PRKAB1: variants seen among roughly 807,000 people sequenced by gnomAD.
PRKAB1 encodes the protein 5'-AMP-activated protein kinase subunit beta-1.
PRKAB1 carries 18 observed loss-of-function variants against 32.0 expected under a neutral mutation model. The observed-to-expected ratio is 0.56, with a 90% CI of 0.39 to 0.83. PRKAB1 has a LOEUF of 0.83. Ranked by LOEUF, PRKAB1 falls within the 40% of genes least tolerant of loss-of-function variation. The pLI is 0.00. For synonymous variants in PRKAB1, 141 were observed against 141.4 expected (o/e 1.00, Z 0.02); for missense variants, 263 against 352.6 (o/e 0.75, Z 2.03).
chr12:119,677,329 C>T (rs933629487), intron 5 of PRKAB1: 1 of 152,282 alleles, frequency 6.6e-6, no homozygotes, highest in African/African-American at 2.4e-5. Flanking sequence ...TGCTACTGAA[C>T]ACTCCACCCT....
chr12:119,671,033 G>A (rs1487438625), intron 1 of PRKAB1, among the ~76,000 whole-genome samples: 2 of 152,230 alleles, frequency 1.3e-5, no homozygotes, highest in Non-Finnish European at 2.9e-5. Flanking sequence ...ATGTCATCCA[G>A]ATAGATTTGG....
chr12:119,672,740 A>G (rs1955397137), intron 2 of PRKAB1, among the ~76,000 whole-genome samples: 1 of 152,202 alleles, frequency 6.6e-6, no homozygotes, highest in Non-Finnish European at 1.5e-5. Context: ...AAACACAAAA[A>G]TCTGTCTTAA....
Position 119,674,481 on chromosome 12 carries a change from A to G in PRKAB1, c.532+27A>G, listed in dbSNP as rs1471973913. 1 of 1,485,702 alleles carries G rather than the reference A, an allele frequency of 6.7e-7. No homozygotes were observed. 92.0% of individuals were successfully genotyped at this position (1,485,702 alleles called of 1,614,324 possible). A position where few individuals can be genotyped will look rare whatever the true frequency, so the allele number is the denominator to read the frequency against. On this transcript the variant is annotated intron_variant, in intron 4 of 6. Transcript: ENST00000229328. This position sits in a 1 kb window ranked among gnomAD's most constrained non-coding sequence, Gnocchi z 4.3. ...TATGAACACAGTTATTTTATACCACATGCGTGCAGGTGGGGGCTGTACAGT... is the reference window on the plus strand; with the variant it reads ...TATGAACACAGTTATTTTATACCACGTGCGTGCAGGTGGGGGCTGTACAGT...
Position 119,679,826 on chromosome 12 carries a change from G to T in PRKAB1, c.667-107G>T. On this transcript the variant is annotated intron_variant, in intron 5 of 6. Coordinates refer to ENST00000229328, the MANE Select transcript of PRKAB1 (RefSeq NM_006253.5). This position sits in a 1 kb window ranked among gnomAD's most constrained non-coding sequence, Gnocchi z 4.1. ...GCTGCCTGATTTGGGAAGAGAGGTC[G>T]GCCTGAGCGCTGCCTCCTGTCCTTT... 8.2e-7 allele frequency: 1 copy of T among 1,218,222 alleles called. No individual in the cohort carries two copies. The allele number at this position is 1,218,222 out of a possible 1,614,324, so 75.5% of individuals were successfully genotyped here.
chr12:119,676,800 T>C lies in PRKAB1; in HGVS notation c.666+130T>C, dbSNP rs553411936. 4 of 1,261,846 alleles carry C rather than the reference T, an allele frequency of 3.2e-6. No homozygotes were observed. In the Admixed American group the frequency reaches 1.0e-4, roughly 32 times the overall value. 78.2% of individuals were successfully genotyped at this position (1,261,846 alleles called of 1,614,324 possible). On this transcript the variant is annotated intron_variant, in intron 5 of 6. Transcript: ENST00000229328. ...TCACCCCCTAGTGTGAACTGTGCCG[T>C]TCACCTCTGCTGTGGGGATGGGCTG...
At chr12:119,672,264 C>T (rs374555960) in intron 1 of PRKAB1, 37 bp from the exon 2 acceptor site, 12 of 1,550,730 alleles carry the variant, frequency 7.7e-6, no homozygotes, top group Non-Finnish European at 8.7e-6. Flanking sequence ...GTAGGGAGCT[C>T]GCTTATGGCT....
chr12:119,678,612 A>G (rs1955443860), intron 5 of PRKAB1: 1 of 152,252 alleles, frequency 6.6e-6, no homozygotes, highest in Admixed American at 6.5e-5. Context: ...AAGTGACATC[A>G]CATGGGATTT....
intron 5 of PRKAB1, 129 bp downstream of exon 5, chr12:119,676,799 G>A (rs1234107063): frequency 2.0e-5 from 25 of 1,256,576 alleles, no homozygotes; most frequent in East Asian, 1.0e-4. Context: ...GAACTGTGCC[G>A]TTCACCTCTG....
At chr12:119,672,256 A>G in intron 1 of PRKAB1, 45 bp from the exon 2 acceptor site, 2 of 1,527,000 alleles carry the variant, frequency 1.3e-6, no homozygotes, top group Non-Finnish European at 1.8e-6. Flanking sequence ...TGTCTGTTGT[A>G]GGGAGCTCGC....
At chr12:119,668,715 T>C (rs916669889) in intron 1 of PRKAB1, among the ~76,000 whole-genome samples, 8 of 152,204 alleles carry the variant, frequency 5.3e-5, no homozygotes, top group African/African-American at 1.9e-4. Flanking sequence ...CTAACAGTAA[T>C]TGAGCCCCAG....
rs755816447 is a variant in PRKAB1 at position 119,672,474 on chromosome 12, T to TG, written c.323+14dup. ...TTCCCCTCACCAGAAGGTAATTGCCTGGGGAGTGTTCACATATTTGTCTTA... is the reference window on the plus strand; with the variant it reads ...TTCCCCTCACCAGAAGGTAATTGCCTGGGGGAGTGTTCACATATTTGTCTTA... On this transcript the variant is annotated intron_variant, in intron 2 of 6. Transcript: ENST00000229328. 20 of 1,557,490 alleles carry TG rather than the reference T, an allele frequency of 1.3e-5. No individual in the cohort carries two copies. Among genetic ancestry groups the TG allele is most frequent in the Non-Finnish European group, 1.7e-5 (20 of 1,149,366 alleles).
chr12:119,679,879 AGAAT>A lies in PRKAB1; in HGVS notation c.667-53_667-50del. On this transcript the variant is annotated intron_variant, in intron 5 of 6. Coordinates refer to ENST00000229328, the MANE Select transcript of PRKAB1 (RefSeq NM_006253.5). This position sits in a 1 kb window ranked among gnomAD's most constrained non-coding sequence, Gnocchi z 4.1. ...TATCTGGCACTGGGAAGTAAAGGGG[AGAAT>A]CTTGGTTTCCAAATCCCAAATGCTC... 6.4e-7 allele frequency: 1 copy of A among 1,560,514 alleles called. No individual in the cohort carries two copies. The highest frequency in any genetic ancestry group is 8.8e-7 in the Non-Finnish European group (1 of 1,131,476).
In PRKAB1 at chr12:119,674,136, G is replaced by A; in HGVS notation, c.417+79G>A. On this transcript the variant is annotated intron_variant, in intron 3 of 6. Coordinates refer to ENST00000229328, the MANE Select transcript of PRKAB1 (RefSeq NM_006253.5). This position sits in a 1 kb window ranked among gnomAD's most constrained non-coding sequence, Gnocchi z 4.3. Reference sequence around the variant, plus strand: ...CACCTTCCCAAGAGATTGCCGCTAGGTCCCTTTGCCCAGCTAGTAAAAGTC... The same window carrying A: ...CACCTTCCCAAGAGATTGCCGCTAGATCCCTTTGCCCAGCTAGTAAAAGTC... The A allele has an allele frequency of 3.6e-6, 5 of 1,378,184 alleles. No individual in the cohort carries two copies. The highest frequency in any genetic ancestry group is 5.1e-6 in the Non-Finnish European group (5 of 982,628). 85.4% of individuals were successfully genotyped at this position (1,378,184 alleles called of 1,614,324 possible).
intron 2 of PRKAB1, among the ~76,000 whole-genome samples, chr12:119,672,764 C>T (rs1955397218): frequency 6.6e-6 from 1 of 152,164 alleles, no homozygotes; most frequent in South Asian, 2.1e-4. Context: ...AGTAAGGGAG[C>T]ACTGGGCTGG....
rs553959290 is a variant in PRKAB1 at position 119,680,087 on chromosome 12, G to A, written c.735+86G>A. ...AGCAGTGGAATGACCTGGCGGGACT[G>A]ACTTAAAGGGCAGCTTCCAGGGTCT... On this transcript the variant is annotated intron_variant, in intron 6 of 6. Coordinates refer to ENST00000229328, the MANE Select transcript of PRKAB1 (RefSeq NM_006253.5). The A allele has an allele frequency of 1.8e-5, 27 of 1,523,556 alleles. 1 individual carries two copies. The highest frequency in any genetic ancestry group is 2.3e-5 in the Non-Finnish European group (25 of 1,099,336). 94.4% of individuals were successfully genotyped at this position (1,523,556 alleles called of 1,614,324 possible).
rs1955455975 is a variant in PRKAB1 at position 119,680,357 on chromosome 12, A to ATGGTG, written c.*32_*33insTGGTG. 3 of 1,574,150 alleles carry ATGGTG rather than the reference A, an allele frequency of 1.9e-6. No individual in the cohort carries two copies. Among genetic ancestry groups the ATGGTG allele is most frequent in the Non-Finnish European group, 2.6e-6 (3 of 1,145,658 alleles). ...GGGGGCGGATGGTGGCCCAGGAGAC[A>ATGGTG]GCACACCACCAGGCTCCACACGTGC... is the stretch of plus-strand genomic sequence containing the variant. On this transcript the variant is annotated 3_prime_UTR_variant, in exon 7 of 7. Transcript: ENST00000229328.
chr12:119,669,048 C>T (rs1456061626), intron 1 of PRKAB1, among the ~76,000 whole-genome samples: 2 of 151,064 alleles, frequency 1.3e-5, no homozygotes, highest in African/African-American at 2.4e-5. Context: ...ACCCGGGAGG[C>T]GCAGCTTGCA....
intron 1 of PRKAB1, 63 bp from the exon 2 acceptor site, chr12:119,672,238 G>A (rs1315244426): frequency 6.4e-6 from 9 of 1,412,246 alleles, no homozygotes; most frequent in Admixed American, 2.5e-5. Flanking sequence ...AGAATGAATT[G>A]TCAATATTGT....
chr12:119,680,129 C>A, intron 6 of PRKAB1, 119 bp from the exon 7 acceptor site: 1 of 1,479,686 alleles, frequency 6.8e-7, no homozygotes, highest in Non-Finnish European at 9.4e-7. Flanking sequence ...GGCCATCAGG[C>A]TCAGGTTCTG....
Sources: allele counts gnomAD v4.1 joint callset (sites outside exome capture counted in the v4.1 genomes callset), GRCh38; gene constraint gnomAD v4.1.1; non-coding constraint Gnocchi (gnomAD v3.1); transcripts MANE v1.5; gene names NCBI Gene and HGNC (gene_info 2026-07-23, HGNC 2026-07-21).